The following R3HCC1L variants were observed in gnomAD, a reference collection of about 807,000 sequenced individuals.
R3HCC1L encodes coiled-coil domain-containing protein R3HCC1L.
A neutral mutation model predicts 59.9 loss-of-function variants in R3HCC1L; 51 were observed. The observed-to-expected ratio is 0.85, with a 90% CI of 0.68 to 1.07. The LOEUF (loss-of-function observed/expected upper bound fraction) is 1.07, where lower values mean the gene tolerates loss of function less well. R3HCC1L is among the 50% of genes least tolerant of loss of function. The probability of loss-of-function intolerance (pLI) is 0.00; values close to 1 mark genes in which losing one functional copy is unlikely to be tolerated. For missense variants in R3HCC1L, 965 were observed against 933.0 expected, an observed-to-expected ratio of 1.03 and a Z score of -0.45; for synonymous variants, 322 against 315.2, an observed-to-expected ratio of 1.02 and a Z score of -0.23.
chr10:98,185,685 A>T (rs561337817), intron 4 of R3HCC1L, among the ~76,000 whole-genome samples: 2 of 152,212 alleles, frequency 1.3e-5, no homozygotes, highest in Non-Finnish European at 2.9e-5. Flanking sequence ...AGACTGGAGA[A>T]ATTGGTTGGA....
At chr10:98,167,327 G>A (rs181051816) in intron 4 of R3HCC1L, among the ~76,000 whole-genome samples, 4 of 152,266 alleles carry the variant, frequency 2.6e-5, no homozygotes, top group Admixed American at 2.0e-4. Flanking sequence ...TTATTAACTT[G>A]TTAATGTTTT....
intron 5 of R3HCC1L, among the ~76,000 whole-genome samples, 184 bp downstream of exon 5, chr10:98,210,083 C>T (rs1853393124): frequency 6.6e-6 from 1 of 151,972 alleles, no homozygotes; most frequent in South Asian, 2.1e-4. Flanking sequence ...CAGAATTGAG[C>T]TGTATCTATA....
At chr10:98,219,828 CT>C (rs552264590) in intron 5 of R3HCC1L, among the ~76,000 whole-genome samples, 55 of 152,230 alleles carry the variant, frequency 3.6e-4, no homozygotes, top group African/African-American at 1.3e-3. Context: ...TGGTCTTTGA[CT>C]TTTGACAACT....
At chr10:98,161,386 G>A (rs1847401470) in intron 2 of R3HCC1L, among the ~76,000 whole-genome samples, 1 of 152,006 alleles carries the variant, frequency 6.6e-6, no homozygotes, top group Non-Finnish European at 1.5e-5. Flanking sequence ...TTTCTCAGTT[G>A]TTAGGAGTTT....
rs1377602933 is a variant in R3HCC1L at position 98,139,364 on chromosome 10, C to A, written c.-268+4658C>A. Among the ~76,000 whole-genome samples, 6 of 152,252 alleles carry A rather than the reference C, an allele frequency of 3.9e-5. No homozygotes were observed. In the East Asian group the frequency reaches 1.2e-3, roughly 29 times the overall value. The stretch of plus-strand genomic sequence containing the variant: ...TGACCTGTAGGATGATCTTTGACAA[C>A]CCCAGTAACCTAAGCTTATAATTTA... On this transcript the variant is annotated intron_variant, in intron 1 of 9. Transcript: ENST00000298999.
In R3HCC1L at chr10:98,244,287, A is replaced by G. The variant is rs571039352; in HGVS notation, c.*129A>G. ...TTAAAGAGATAAAGTGATCGAGACA[A>G]GGACTGACTGGGTATAGAAGGAAGA... On this transcript the variant is annotated 3_prime_UTR_variant, in exon 10 of 10. Coordinates refer to ENST00000298999, the MANE Select transcript of R3HCC1L (RefSeq NM_001351015.2). The G allele has an allele frequency of 3.4e-4, 285 of 833,228 alleles. No homozygotes were observed. In the African/African-American group the frequency reaches 4.1e-3, roughly 12 times the overall value. The allele number at this position is 833,228 out of a possible 1,614,324, so 51.6% of individuals were successfully genotyped here.
chr10:98,184,469 A>G (rs915917873), intron 4 of R3HCC1L, among the ~76,000 whole-genome samples: 4 of 152,338 alleles, frequency 2.6e-5, no homozygotes, highest in Middle Eastern at 3.4e-3. Flanking sequence ...TTTGTAGCCT[A>G]AGACCAATAA....
intron 1 of R3HCC1L, among the ~76,000 whole-genome samples, chr10:98,138,074 A>G (rs1447460996): frequency 1.3e-5 from 2 of 152,190 alleles, no homozygotes; most frequent in Admixed American, 6.5e-5. Context: ...GGAAAGCCTT[A>G]TAGAGAAAAA....
intron 2 of R3HCC1L, among the ~76,000 whole-genome samples, chr10:98,157,360 A>T (rs537057646): frequency 6.6e-6 from 1 of 152,328 alleles, no homozygotes; most frequent in African/African-American, 2.4e-5. Flanking sequence ...CAATATGCTT[A>T]CTTAATCACC....
chr10:98,136,226 G>A (rs1182682545), intron 1 of R3HCC1L, among the ~76,000 whole-genome samples: 1 of 152,062 alleles, frequency 6.6e-6, no homozygotes, highest in Non-Finnish European at 1.5e-5. Context: ...TGTTTATTCT[G>A]AATTTATTGA....
chr10:98,161,809 C>T (rs2134184900), intron 2 of R3HCC1L, among the ~76,000 whole-genome samples: 1 of 152,258 alleles, frequency 6.6e-6, no homozygotes, highest in Non-Finnish European at 1.5e-5. Flanking sequence ...AATAGTATAT[C>T]AAGGGCTAGC....
chr10:98,216,697 C>T (rs761734807), intron 5 of R3HCC1L, among the ~76,000 whole-genome samples: 4 of 151,940 alleles, frequency 2.6e-5, no homozygotes, highest in East Asian at 3.9e-4. Flanking sequence ...CTCACCCTCC[C>T]GAGTAGCTGG....
intron 5 of R3HCC1L, among the ~76,000 whole-genome samples, chr10:98,218,249 G>GAGATGTT (rs1564713707): frequency 5.9e-5 from 9 of 151,854 alleles, no homozygotes; most frequent in Non-Finnish European, 1.2e-4. Context: ...TGCTTTTTCT[G>GAGATGTT]TATCTGTTGA....
chr10:98,193,281 G>A (rs748014219), intron 4 of R3HCC1L, among the ~76,000 whole-genome samples: 8 of 151,744 alleles, frequency 5.3e-5, no homozygotes, highest in Non-Finnish European at 8.8e-5. Flanking sequence ...GCAGTTAGAC[G>A]AGAAAAAGAA....
At chr10:98,228,050 A>C (rs908780180) in intron 5 of R3HCC1L, among the ~76,000 whole-genome samples, 3 of 152,208 alleles carry the variant, frequency 2.0e-5, no homozygotes, top group African/African-American at 7.2e-5. Context: ...ATATGTGTGC[A>C]TGTGTCTTTA....
intron 4 of R3HCC1L, among the ~76,000 whole-genome samples, chr10:98,207,730 C>T (rs1180146582): frequency 6.6e-6 from 1 of 151,624 alleles, no homozygotes; most frequent in Non-Finnish European, 1.5e-5. Context: ...AAAGGCCGGG[C>T]ACAGTGGTTC....
intron 5 of R3HCC1L, among the ~76,000 whole-genome samples, chr10:98,214,669 G>A (rs893516034): frequency 6.6e-6 from 1 of 152,064 alleles, no homozygotes; most frequent in Non-Finnish European, 1.5e-5. Flanking sequence ...ATGTTTAATT[G>A]TGTTTAATTA....
intron 1 of R3HCC1L, among the ~76,000 whole-genome samples, chr10:98,144,331 T>G (rs1159332004): frequency 6.6e-6 from 1 of 152,072 alleles, no homozygotes; most frequent in Admixed American, 6.6e-5. Flanking sequence ...TTCTCCTGCC[T>G]CAGCTTTCCG....
intron 5 of R3HCC1L, among the ~76,000 whole-genome samples, chr10:98,213,676 AAAAT>A (rs886182223): frequency 4.6e-5 from 7 of 152,166 alleles, no homozygotes; most frequent in African/African-American, 1.7e-4. Flanking sequence ...CCATTTTAAA[AAAAT>A]CTATAGACTT....
Sources: allele counts gnomAD v4.1 joint callset (sites outside exome capture counted in the v4.1 genomes callset), GRCh38; gene constraint gnomAD v4.1.1; transcripts MANE v1.5; gene names NCBI Gene and HGNC (gene_info 2026-07-23, HGNC 2026-07-21).